CEMIP2: variants seen among roughly 807,000 people sequenced by gnomAD.
CEMIP2 encodes the protein cell migration inducing hyaluronidase 2.
A neutral mutation model predicts 146.9 loss-of-function variants in CEMIP2; 79 were observed. That is an observed-to-expected ratio of 0.54 (90% CI 0.45 to 0.65). The LOEUF is 0.65. CEMIP2 is among the 30% of genes least tolerant of loss of function. The pLI is 0.00. For synonymous variants in CEMIP2, 601 were observed against 606.3 expected (o/e 0.99, Z 0.13); for missense variants, 1,596 against 1,696.2 (o/e 0.94, Z 1.04).
intron 10 of CEMIP2, among the ~76,000 whole-genome samples, chr9:71,726,335 C>T (rs1589147769): frequency 6.6e-6 from 1 of 152,204 alleles, no homozygotes; most frequent in South Asian, 2.1e-4. Context: ...AAAAATTAGA[C>T]ATAAAAATGG....
At chr9:71,751,573 A>T (rs1177737803) in intron 1 of CEMIP2, among the ~76,000 whole-genome samples, 1 of 152,172 alleles carries the variant, frequency 6.6e-6, no homozygotes, top group African/African-American at 2.4e-5. Flanking sequence ...GTGCCTAAGA[A>T]TCATCAGAGA....
In CEMIP2 at chr9:71,728,256, TAC is replaced by T. The variant is rs1564012255; in HGVS notation, c.2049+1587_2049+1588del. ...CTATATATATATATATATATGTATA[TAC>T]ACGTATATATATATATATATATGTA... On this transcript the variant is annotated intron_variant, in intron 10 of 23. Coordinates refer to ENST00000377044, the MANE Select transcript of CEMIP2 (RefSeq NM_013390.3). Among the ~76,000 whole-genome samples the T allele has an allele frequency of 4.6e-4, 14 of 30,714 alleles. 1 individual carries two copies. The highest frequency in any genetic ancestry group is 2.0e-3 in the East Asian group (2 of 1,012). 20.1% of individuals were successfully genotyped at this position (30,714 alleles called of 152,430 possible). A position where few individuals can be genotyped will look rare whatever the true frequency, so the allele number is the denominator to read the frequency against.
chr9:71,758,789 G>A (rs978142928), intron 1 of CEMIP2, among the ~76,000 whole-genome samples: 1 of 152,168 alleles, frequency 6.6e-6, no homozygotes, highest in African/African-American at 2.4e-5. Context: ...CTCAAAATAT[G>A]TCAAAGAAAT....
At chr9:71,749,127 T>C (rs748234540) in intron 2 of CEMIP2, among the ~76,000 whole-genome samples, 15 of 152,336 alleles carry the variant, frequency 9.8e-5, no homozygotes, top group South Asian at 6.2e-4. Context: ...AATATTGATA[T>C]ATCATTAACT....
At chr9:71,752,028 T>G (rs1428658992) in intron 1 of CEMIP2, among the ~76,000 whole-genome samples, 1 of 152,204 alleles carries the variant, frequency 6.6e-6, no homozygotes, top group Non-Finnish European at 1.5e-5. Context: ...TTAATTCATT[T>G]AATATATTTA....
rs866386143 is a variant in CEMIP2, at chr9:71,745,634, A to G, written c.473-55T>C. On this transcript the variant is annotated intron_variant, in intron 3 of 23. Transcript: ENST00000377044. ...TTCTAAATCATCTTTCTGAGATACAAGGAAATAGATTTCACCTTAAGTTAA... is the reference window on the plus strand; with the variant it reads ...TTCTAAATCATCTTTCTGAGATACAGGGAAATAGATTTCACCTTAAGTTAA... 3.0e-5 allele frequency: 45 copies of G among 1,486,704 alleles called. 1 individual carries two copies. The Middle Eastern group carries it at 5.4e-3, about 178-fold the overall frequency. The allele number at this position is 1,486,704 out of a possible 1,614,324, so 92.1% of individuals were successfully genotyped here.
At chr9:71,755,640 C>T (rs190786642) in intron 1 of CEMIP2, among the ~76,000 whole-genome samples, 2 of 152,072 alleles carry the variant, frequency 1.3e-5, no homozygotes, top group African/African-American at 4.8e-5. Flanking sequence ...ACCACACTAT[C>T]TCATCCATGA....
rs1824310224 is a variant in CEMIP2 at position 71,753,084 on chromosome 9, TAA to T, written c.-12-2701_-12-2700del. On this transcript the variant is annotated intron_variant, in intron 1 of 23. Coordinates refer to ENST00000377044, the MANE Select transcript of CEMIP2 (RefSeq NM_013390.3). ...TGCTGGAACAAATGAAAGAGTACAA[TAA>T]AGACCCCGTTATGATCCTCTCTGAA... 2.0e-5 allele frequency among the ~76,000 whole-genome samples: 3 copies of T among 152,206 alleles called. No homozygotes were observed. In the South Asian group the frequency reaches 6.2e-4, roughly 32 times the overall value.
intron 1 of CEMIP2, among the ~76,000 whole-genome samples, chr9:71,761,061 G>A (rs1824620221): frequency 6.6e-6 from 1 of 152,210 alleles, no homozygotes; most frequent in Non-Finnish European, 1.5e-5. Context: ...CCTGCTGGCA[G>A]TGACGGATGG....
At chr9:71,732,633 T>C (rs1823652150) in intron 6 of CEMIP2, 113 bp from the exon 7 acceptor site, 1 of 882,272 alleles carries the variant, frequency 1.1e-6, no homozygotes, top group African/African-American at 1.8e-5. Context: ...TGACAACTTA[T>C]CATCTGCTCC....
intron 3 of CEMIP2, 49 bp from the exon 4 acceptor site, chr9:71,745,628 G>A: frequency 6.7e-7 from 1 of 1,493,144 alleles, no homozygotes; most frequent in South Asian, 1.3e-5. Context: ...ATCTTTCTGA[G>A]ATACAAGGAA....
intron 1 of CEMIP2, among the ~76,000 whole-genome samples, chr9:71,760,505 T>C (rs1282599885): frequency 6.8e-6 from 1 of 146,012 alleles, no homozygotes; most frequent in Non-Finnish European, 1.6e-5. Context: ...CTAATTTTTC[T>C]GATCCCAAAT....
intron 22 of CEMIP2, among the ~76,000 whole-genome samples, chr9:71,687,865 G>C (rs1287343218): frequency 6.6e-6 from 1 of 151,886 alleles, no homozygotes; most frequent in Non-Finnish European, 1.5e-5. Context: ...GTTTTCTTTT[G>C]TTTTTTTAGA....
chr9:71,696,646 C>CTGT (rs1323965370), intron 20 of CEMIP2, among the ~76,000 whole-genome samples: 1 of 151,976 alleles, frequency 6.6e-6, no homozygotes, highest in African/African-American at 2.4e-5. Flanking sequence ...TCACATGCAC[C>CTGT]TGTAGTCCCA....
At chr9:71,702,132 C>T (rs761817081) in intron 18 of CEMIP2, among the ~76,000 whole-genome samples, 2 of 151,922 alleles carry the variant, frequency 1.3e-5, no homozygotes, top group Non-Finnish European at 2.9e-5. Flanking sequence ...GTGGCATACG[C>T]CTGTAGTCCC....
In CEMIP2 at chr9:71,750,109, T is replaced by TA. The variant is rs755692176; in HGVS notation, c.264dup (p.Thr89TyrfsTer2). 1.2e-6 allele frequency: 2 copies of TA among 1,613,892 alleles called. No individual in the cohort carries two copies. The highest frequency in any genetic ancestry group is 3.3e-5 in the Admixed American group (2 of 59,960). On this transcript the variant is annotated frameshift_variant, in exon 2 of 24. Transcript: ENST00000377044. LOFTEE classifies it high-confidence loss of function. ...AGTGCAATAAAAAATGAGAAACTAG[T>TA]AATAGCAAAACAAATGAAAGTATTT...
Position 71,712,272 on chromosome 9 carries a change from C to T in CEMIP2, c.2592-12G>A, listed in dbSNP as rs1053065361. The T allele has an allele frequency of 6.2e-7, 1 of 1,612,918 alleles. No individual in the cohort carries two copies. The highest frequency in any genetic ancestry group is 1.7e-5 in the Admixed American group (1 of 59,812). The stretch of plus-strand genomic sequence containing the variant: ...TAATTGGGAACGTCCTGTGGAAATA[C>T]AAGATTTTGTTTAATGCATATGGGC... On this transcript the variant is annotated splice_polypyrimidine_tract_variant and intron_variant, in intron 15 of 23. Transcript: ENST00000377044.
chr9:71,748,931 G>T (rs1345954907), intron 2 of CEMIP2, among the ~76,000 whole-genome samples: 1 of 152,162 alleles, frequency 6.6e-6, no homozygotes, highest in African/African-American at 2.4e-5. Flanking sequence ...ACTTAAGGAA[G>T]CATTTAACTT....
At chr9:71,731,910 C>G (rs1823628758) in intron 7 of CEMIP2, among the ~76,000 whole-genome samples, 1 of 152,036 alleles carries the variant, frequency 6.6e-6, no homozygotes, top group Non-Finnish European at 1.5e-5. Flanking sequence ...TTTTCCAGAA[C>G]AAAAATTTGC....
Sources: allele counts gnomAD v4.1 joint callset (sites outside exome capture counted in the v4.1 genomes callset), GRCh38; gene constraint gnomAD v4.1.1; transcripts MANE v1.5; gene names NCBI Gene and HGNC (gene_info 2026-07-23, HGNC 2026-07-21).